The following EGLN3 variants were observed in gnomAD, a reference collection of about 807,000 sequenced individuals.
The protein encoded by EGLN3 is egl-9 family hypoxia inducible factor 3, also known as prolyl hydroxylase EGLN3.
A neutral mutation model predicts 26.0 loss-of-function variants in EGLN3; 15 were observed. The observed-to-expected ratio is 0.58, with a 90% CI of 0.39 to 0.89. EGLN3 has a LOEUF of 0.89. Among genes scored for constraint, EGLN3 ranks in the 40% least tolerant of loss-of-function variants. EGLN3 has a pLI of 0.00. For synonymous variants in EGLN3, 147 were observed against 127.2 expected, an observed-to-expected ratio of 1.16 and a Z score of -1.05; for missense variants, 238 against 311.6, an observed-to-expected ratio of 0.76 and a Z score of 1.78.
At chr14:33,933,053 A>G (rs771797824) in intron 1 of EGLN3, among the ~76,000 whole-genome samples, 1 of 152,190 alleles carries the variant, frequency 6.6e-6, no homozygotes, top group East Asian at 1.9e-4. Context: ...TATGACATCA[A>G]TGCTATAATC....
chr14:33,928,999 C>A, intron 3 of EGLN3, 77 bp downstream of exon 3: 1 of 1,553,068 alleles, frequency 6.4e-7, no homozygotes. Context: ...ATGCACAGGA[C>A]ACACGTTTAA....
intron 1 of EGLN3, among the ~76,000 whole-genome samples, chr14:33,937,509 T>C (rs2064451255): frequency 6.6e-6 from 1 of 152,204 alleles, no homozygotes; most frequent in Admixed American, 6.5e-5. Context: ...TAACACAAGC[T>C]GTGTCCAGCC....
intron 1 of EGLN3, among the ~76,000 whole-genome samples, chr14:33,939,026 C>T (rs1268798680): frequency 1.3e-5 from 2 of 152,168 alleles, no homozygotes; most frequent in Non-Finnish European, 2.9e-5. Flanking sequence ...ACAAGGAATA[C>T]TTGTGACTGC....
intron 3 of EGLN3, 72 bp downstream of exon 3, chr14:33,929,004 G>T: frequency 6.4e-7 from 1 of 1,571,500 alleles, no homozygotes; most frequent in Non-Finnish European, 8.6e-7. Context: ...CAGGACACAC[G>T]TTTAAAGAGT....
intron 4 of EGLN3, among the ~76,000 whole-genome samples, chr14:33,926,480 G>A (rs148335782): frequency 1.3e-3 from 198 of 152,236 alleles, no homozygotes; most frequent in African/African-American, 4.2e-3. Flanking sequence ...TTAATGCAAC[G>A]TATTTTGGGA....
At chr14:33,930,325 A>G (rs575415405) in intron 2 of EGLN3, among the ~76,000 whole-genome samples, 13 of 152,342 alleles carry the variant, frequency 8.5e-5, no homozygotes, top group Admixed American at 5.2e-4. Flanking sequence ...CACTGATTCA[A>G]TGGTTTCCCA....
At chr14:33,932,446 C>T (rs1414718801) in intron 1 of EGLN3, among the ~76,000 whole-genome samples, 1 of 152,038 alleles carries the variant, frequency 6.6e-6, no homozygotes, top group Non-Finnish European at 1.5e-5. Flanking sequence ...TGAGTAGAGC[C>T]CCAAGCTAAT....
intron 1 of EGLN3, among the ~76,000 whole-genome samples, chr14:33,946,202 C>G (rs2064516716): frequency 6.6e-6 from 1 of 152,178 alleles, no homozygotes. Flanking sequence ...CAAGGAGAAA[C>G]CCCGTCTCTA....
At chr14:33,941,383 G>T (rs2138823373) in intron 1 of EGLN3, among the ~76,000 whole-genome samples, 1 of 151,870 alleles carries the variant, frequency 6.6e-6, no homozygotes, top group Non-Finnish European at 1.5e-5. Context: ...GTATTTCTAG[G>T]GTGAAACCTA....
intron 3 of EGLN3, among the ~76,000 whole-genome samples, chr14:33,927,317 C>T (rs575024302): frequency 1.8e-4 from 28 of 151,968 alleles, no homozygotes; most frequent in Admixed American, 5.9e-4. Flanking sequence ...TACAGGTGCA[C>T]GCTACCACAC....
chr14:33,926,054 C>G, intron 4 of EGLN3, 132 bp from the exon 5 acceptor site: 1 of 805,832 alleles, frequency 1.2e-6, no homozygotes, highest in South Asian at 1.7e-5. Context: ...AGAGCTCTGC[C>G]AAAGGATTCT....
In EGLN3 at chr14:33,931,172, C is replaced by T. The variant is rs753827769; in HGVS notation, c.401G>A (p.Arg134His). Reference protein sequence around the residue: ...CYPGNGTGYVRHVDNPNGDGR... With the variant: ...CYPGNGTGYVHHVDNPNGDGR... ...ATCACCGTTGGGGTTGTCCACGTGG[C>T]GAACATAACCTGTTCCATTTCCCGG... Residue 134 changes from arginine (R) to histidine (H), a missense_variant, in exon 2 of 5, where the codon CGC becomes CAC. Coordinates refer to ENST00000250457, the MANE Select transcript of EGLN3 (RefSeq NM_022073.4). 9 of 1,614,156 alleles carry T rather than the reference C, an allele frequency of 5.6e-6. No individual in the cohort carries two copies. Among genetic ancestry groups the T allele is most frequent in the Admixed American group, 1.7e-5 (1 of 60,016 alleles).
chr14:33,943,818 G>T (rs575226886), intron 1 of EGLN3, among the ~76,000 whole-genome samples: 12 of 152,324 alleles, frequency 7.9e-5, no homozygotes, highest in African/African-American at 2.9e-4. Context: ...TCATAAAATG[G>T]AGGGCTGTTT....
At chr14:33,949,727 G>A (rs1282987855) in intron 1 of EGLN3, 1 of 153,256 alleles carries the variant, frequency 6.5e-6, no homozygotes, top group African/African-American at 2.4e-5. Context: ...TTAACTGGTT[G>A]TTTTGAGTGG....
Position 33,925,901 on chromosome 14 carries a change from G to C in EGLN3, c.710C>G (p.Thr237Ser). ...NLTRKTESAL[T>S]ED ...GATTTCAGAGCACGGTCAGTCTTCA[G>C]TGAGGGCAGATTCAGTTTTCCCTGG... The change falls in exon 5 of 5, where the codon ACT becomes AGT. Residue 237 changes from threonine (T) to serine (S), a missense_variant. Thr to Ser is a moderately conservative substitution (Grantham distance 58). Transcript: ENST00000250457. 1 of 1,613,498 alleles carries C rather than the reference G, an allele frequency of 6.2e-7. No homozygotes were observed. Among genetic ancestry groups the C allele is most frequent in the Non-Finnish European group, 8.5e-7 (1 of 1,179,746 alleles).
At chr14:33,941,877 G>A (rs1361012131) in intron 1 of EGLN3, among the ~76,000 whole-genome samples, 1 of 152,144 alleles carries the variant, frequency 6.6e-6, no homozygotes, top group African/African-American at 2.4e-5. Context: ...GGAAGACAAT[G>A]GGGAAGCTCA....
chr14:33,925,884 A>G lies in EGLN3; in HGVS notation c.*7T>C. 1.2e-6 allele frequency: 2 copies of G among 1,614,052 alleles called. No homozygotes were observed. Among genetic ancestry groups the G allele is most frequent in the Non-Finnish European group, 1.7e-6 (2 of 1,179,932 alleles). On this transcript the variant is annotated 3_prime_UTR_variant, in exon 5 of 5. Transcript: ENST00000250457. Reference sequence around the variant, plus strand: ...AATGAACAAGGCCAGCAGATTTCAGAGCACGGTCAGTCTTCAGTGAGGGCA... The same window carrying G: ...AATGAACAAGGCCAGCAGATTTCAGGGCACGGTCAGTCTTCAGTGAGGGCA...
intron 1 of EGLN3, among the ~76,000 whole-genome samples, chr14:33,945,979 C>A (rs1566601702): frequency 6.6e-6 from 1 of 152,186 alleles, no homozygotes; most frequent in Non-Finnish European, 1.5e-5. Context: ...CAGGGGAGGA[C>A]CAATTGGTCT....
chr14:33,950,359 C>A, intron 1 of EGLN3, 37 bp downstream of exon 1: 2 of 1,600,680 alleles, frequency 1.2e-6, no homozygotes, highest in Non-Finnish European at 1.7e-6. Context: ...CCCGTCCCCG[C>A]GGGAGCAGCT....
Sources: allele counts gnomAD v4.1 joint callset (sites outside exome capture counted in the v4.1 genomes callset), GRCh38; gene constraint gnomAD v4.1.1; transcripts MANE v1.5; gene names NCBI Gene and HGNC (gene_info 2026-07-23, HGNC 2026-07-21).